SYNPO2: variants seen among roughly 807,000 people sequenced by gnomAD.
The protein encoded by SYNPO2 is synaptopodin 2.
Under a neutral mutation model 85.0 loss-of-function variants are expected in SYNPO2, and 56 were observed. The ratio of observed to expected loss-of-function variants is 0.66; its 90% CI spans 0.53 to 0.82. The LOEUF is 0.82. Among genes scored for constraint, SYNPO2 ranks in the 40% least tolerant of loss-of-function variants. The pLI is 0.00. For missense variants in SYNPO2, 1,575 were observed against 1,534.2 expected (o/e 1.03, Z -0.44); for synonymous variants, 602 against 591.1 (o/e 1.02, Z -0.27).
At chr4:119,040,305 G>C (rs1181263566) in intron 4 of SYNPO2, among the ~76,000 whole-genome samples, 1 of 152,210 alleles carries the variant, frequency 6.6e-6, no homozygotes, top group Non-Finnish European at 1.5e-5. Context: ...AATAGGAAAA[G>C]TAGAAGGAGT....
chr4:118,880,231 T>G (rs1253334220), intron 1 of SYNPO2, among the ~76,000 whole-genome samples: 3 of 152,202 alleles, frequency 2.0e-5, no homozygotes, highest in African/African-American at 4.8e-5. Flanking sequence ...TGTCTGGTCA[T>G]TTTATATACT....
At position 118,919,053 on chromosome 4, in the gene SYNPO2, G is replaced by A. The variant is rs1008327820; in HGVS notation, c.105+29912G>A. On this transcript the variant is annotated intron_variant, in intron 1 of 4. Coordinates refer to ENST00000307142, the MANE Select transcript of SYNPO2 (RefSeq NM_133477.3). Reference sequence around the variant, plus strand: ...CAGCAGAAATGTTTTGCCATTTTTAGCATGGTGTTCCTAATGAATATATGC... The same window carrying A: ...CAGCAGAAATGTTTTGCCATTTTTAACATGGTGTTCCTAATGAATATATGC... 2.6e-5 allele frequency among the ~76,000 whole-genome samples: 4 copies of A among 152,220 alleles called. No individual in the cohort carries two copies. In the East Asian group the frequency reaches 7.7e-4, roughly 29 times the overall value.
rs150529039 is a variant in SYNPO2, at chr4:119,054,291, G to A, written c.3253-3110G>A. Among the ~76,000 whole-genome samples, 60 of 152,322 alleles carry A rather than the reference G, an allele frequency of 3.9e-4. 2 individuals are homozygous for A. The highest frequency in any genetic ancestry group is 1.4e-3 in the African/African-American group (60 of 41,580). ...GTCCACAGACGGTGGTTTGTTAGCA[G>A]CTCAGTTGGCCTCTTGCCTCATTGT... On this transcript the variant is annotated intron_variant, in intron 4 of 4. Transcript: ENST00000307142.
intron 1 of SYNPO2, among the ~76,000 whole-genome samples, chr4:118,950,580 G>A (rs554484849): frequency 6.6e-6 from 1 of 152,296 alleles, no homozygotes; most frequent in Non-Finnish European, 1.5e-5. Context: ...CCTGGTGCTA[G>A]GGTGACTAGG....
chr4:118,911,038 C>T (rs1733118927), intron 1 of SYNPO2, among the ~76,000 whole-genome samples: 1 of 152,140 alleles, frequency 6.6e-6, no homozygotes, highest in Admixed American at 6.6e-5. Context: ...GAGTCTCTTA[C>T]AGACAGGAAA....
At chr4:118,850,983 C>A in intron 1 of SYNPO2, 1 of 398,618 alleles carries the variant, frequency 2.5e-6, no homozygotes. Flanking sequence ...CTTTATATTT[C>A]AATCACCTGA....
In SYNPO2 at chr4:118,890,520, T is replaced by A. The variant is rs1376743352; in HGVS notation, c.105+1379T>A. 2.0e-5 allele frequency among the ~76,000 whole-genome samples: 3 copies of A among 151,010 alleles called. No homozygotes were observed. In the East Asian group the frequency reaches 6.0e-4, roughly 30 times the overall value. On this transcript the variant is annotated intron_variant, in intron 1 of 4. Coordinates refer to ENST00000307142, the MANE Select transcript of SYNPO2 (RefSeq NM_133477.3). Reference sequence around the variant, plus strand: ...GGAGTCAATAGCAGGCAACCTCAGATAAAATATGAATGCCCAATTTAGCAT... The same window carrying A: ...GGAGTCAATAGCAGGCAACCTCAGAAAAAATATGAATGCCCAATTTAGCAT...
At chr4:118,908,404 C>T (rs1177740186) in intron 1 of SYNPO2, among the ~76,000 whole-genome samples, 1 of 152,160 alleles carries the variant, frequency 6.6e-6, no homozygotes, top group Admixed American at 6.5e-5. Flanking sequence ...CATTTCTAAA[C>T]ATTTTAAAAT....
chr4:118,944,507 A>G (rs1734428379), intron 1 of SYNPO2, among the ~76,000 whole-genome samples: 2 of 152,240 alleles, frequency 1.3e-5, no homozygotes, highest in South Asian at 2.1e-4. Flanking sequence ...TCAAATAGCA[A>G]CAAATATCAG....
intron 4 of SYNPO2, 94 bp downstream of exon 4, chr4:119,032,121 C>A: frequency 6.5e-7 from 1 of 1,531,366 alleles, no homozygotes; most frequent in Non-Finnish European, 8.8e-7. Flanking sequence ...TTTCTTGAGT[C>A]CCTGAGAATG....
chr4:119,000,158 C>G (rs1736772437), intron 1 of SYNPO2, among the ~76,000 whole-genome samples: 1 of 152,190 alleles, frequency 6.6e-6, no homozygotes, highest in Non-Finnish European at 1.5e-5. Context: ...TTCCTGTTAT[C>G]ACACTATCAA....
chr4:119,057,472 C>T lies in SYNPO2; in HGVS notation c.3324C>T (p.Tyr1108=). ...CCATTTCTACATCTCCTTGGGTATA[C>T]CAGCCTACTTATAGTTACTCTAGTA... ...PPPISTSPWV[Y]QPTYSYSSKP... is the part of the protein sequence containing the mutation. The change falls in exon 5 of 5, where the codon TAC becomes TAT. Residue 1108 remains tyrosine, a synonymous_variant. Coordinates refer to ENST00000307142, the MANE Select transcript of SYNPO2 (RefSeq NM_133477.3). 1 of 1,613,942 alleles carries T rather than the reference C, an allele frequency of 6.2e-7. No homozygotes were observed. Among genetic ancestry groups the T allele is most frequent in the Non-Finnish European group, 8.5e-7 (1 of 1,179,976 alleles).
chr4:118,888,731 C>G, upstream of SYNPO2: 1 of 404,452 alleles, frequency 2.5e-6, no homozygotes, highest in Middle Eastern at 6.8e-4. Context: ...AGGACATTCT[C>G]CTGTGTGTGA....
chr4:118,984,988 T>G (rs17050194), intron 1 of SYNPO2, among the ~76,000 whole-genome samples: 2,605 of 152,282 alleles, frequency 0.017, 68 homozygotes, highest in African/African-American at 0.06. Context: ...CAAAGCTCAA[T>G]GGGTTCCCTT....
intron 1 of SYNPO2, among the ~76,000 whole-genome samples, chr4:118,936,772 T>A (rs1254893757): frequency 6.6e-6 from 1 of 152,142 alleles, no homozygotes; most frequent in African/African-American, 2.4e-5. Context: ...GGTGTCCTCC[T>A]CTCTTTCATG....
chr4:118,992,461 C>T (rs1206688533), intron 1 of SYNPO2, among the ~76,000 whole-genome samples: 1 of 152,148 alleles, frequency 6.6e-6, no homozygotes, highest in African/African-American at 2.4e-5. Flanking sequence ...TTCCAGGAGC[C>T]ATCACAGTGA....
At chr4:118,881,384 G>A (rs1194431653) in intron 1 of SYNPO2, among the ~76,000 whole-genome samples, 2 of 152,096 alleles carry the variant, frequency 1.3e-5, no homozygotes, top group Non-Finnish European at 2.9e-5. Flanking sequence ...AGAGGGAAGT[G>A]ACCATCTGCA....
In SYNPO2 at chr4:119,059,490, C is replaced by T. The variant is rs1739337043; in HGVS notation, c.*1556C>T. ...CAAACACCTGCTCCTTATTGCCATACCCACGAACTGTTAAATATAAAAAAA... is the reference window on the plus strand; with the variant it reads ...CAAACACCTGCTCCTTATTGCCATATCCACGAACTGTTAAATATAAAAAAA... On this transcript the variant is annotated 3_prime_UTR_variant, in exon 5 of 5. Coordinates refer to ENST00000307142, the MANE Select transcript of SYNPO2 (RefSeq NM_133477.3). 1 of 152,092 alleles carries T rather than the reference C, an allele frequency of 6.6e-6. No homozygotes were observed. The allele number at this position is 152,092 out of a possible 1,614,324, so 9.4% of individuals were successfully genotyped here.
intron 1 of SYNPO2, among the ~76,000 whole-genome samples, chr4:118,997,239 CAAA>C (rs1434428754): frequency 1.5e-5 from 1 of 65,236 alleles, no homozygotes; most frequent in Non-Finnish European, 2.9e-5. Context: ...GACTCCGTCT[CAAA>C]AAAAAAAAAA....
Sources: gnomAD v4.1 joint callset for allele counts (sites outside exome capture counted in the v4.1 genomes callset) on GRCh38, gnomAD v4.1.1 for gene constraint, MANE v1.5 for transcripts, NCBI Gene and HGNC (gene_info 2026-07-23, HGNC 2026-07-21) for gene names.